GDPD3: variants seen among roughly 807,000 people sequenced by gnomAD.
GDPD3 encodes the protein glycerophosphodiester phosphodiesterase domain containing 3.
GDPD3 carries 40 observed loss-of-function variants against 43.7 expected under a neutral mutation model. The ratio of observed to expected loss-of-function variants is 0.91; its 90% confidence interval spans 0.71 to 1.19. GDPD3 has a LOEUF of 1.19. Ranked by LOEUF, GDPD3 falls within the 50% of genes most tolerant of loss-of-function variation. The pLI is 0.00. For missense variants in GDPD3, 363 were observed against 415.8 expected (o/e 0.87, Z 1.11); for synonymous variants, 145 against 162.9 (o/e 0.89, Z 0.84).
chr16:30,113,033 C>T lies in GDPD3; in HGVS notation c.171G>A (p.Glu57=). The part of the protein sequence containing the change: ...GSGELLENTM[E]AMENSMAQRS... ...GCAGATACACTCACTTCTCCATGGC[C>T]TCCATGGTGTTCTCCAGCAGCTCTC... Residue 57 remains glutamate, a synonymous_variant, in exon 2 of 10, where the codon GAG becomes GAA. Coordinates refer to ENST00000406256, the MANE Select transcript of GDPD3 (RefSeq NM_024307.3). The surrounding 1 kb of genome is among the most constrained non-coding windows in gnomAD (Gnocchi z 5.9). 3 of 1,613,464 alleles carry T rather than the reference C, an allele frequency of 1.9e-6. No individual in the cohort carries two copies. The highest frequency in any genetic ancestry group is 2.5e-6 in the Non-Finnish European group (3 of 1,179,714).
Position 30,113,266 on chromosome 16 carries a change from T to A in GDPD3, c.139+74A>T. 6.6e-7 allele frequency: 1 copy of A among 1,519,960 alleles called. No individual in the cohort carries two copies. The highest frequency in any genetic ancestry group is 8.9e-7 in the Non-Finnish European group (1 of 1,128,572). 94.2% of individuals were successfully genotyped at this position (1,519,960 alleles called of 1,614,324 possible). A position where few individuals can be genotyped will look rare whatever the true frequency, so the allele number is the denominator to read the frequency against. ...CTTCTCTCTTGGTCCCTGCCCCGTT[T>A]CTAGCATGCCCCCTTGGACCTACCC... On this transcript the variant is annotated intron_variant, in intron 1 of 9. Transcript: ENST00000406256. This position sits in a 1 kb window ranked among gnomAD's most constrained non-coding sequence, Gnocchi z 5.9.
At chr16:30,108,308 C>T in intron 8 of GDPD3, 44 bp from the exon 9 acceptor site, 1 of 1,612,680 alleles carries the variant, frequency 6.2e-7, no homozygotes, top group Non-Finnish European at 8.5e-7. Flanking sequence ...TGAGAGGGGA[C>T]CTGGGAGAAG....
chr16:30,111,294 G>A, intron 7 of GDPD3, 94 bp downstream of exon 7: 1 of 1,410,374 alleles, frequency 7.1e-7, no homozygotes, highest in Non-Finnish European at 9.7e-7. Context: ...GGTTATCTCT[G>A]AGGGGAGCTG....
Position 30,112,102 on chromosome 16 carries a change from A to C in GDPD3, c.573+30T>G, listed in dbSNP as rs751950492. The C allele has an allele frequency of 3.2e-6, 5 of 1,554,876 alleles. 1 individual carries two copies. The South Asian group carries it at 4.5e-5, about 14-fold the overall frequency. Reference sequence around the variant, plus strand: ...GGGAGGAGGGGCCCCTGGAGGAGGAAGAGGACGGGGGAGGGGTGGGGGGAC... The same window carrying C: ...GGGAGGAGGGGCCCCTGGAGGAGGACGAGGACGGGGGAGGGGTGGGGGGAC... On this transcript the variant is annotated intron_variant, in intron 6 of 9. Transcript: ENST00000406256. This position sits in a 1 kb window ranked among gnomAD's most constrained non-coding sequence, Gnocchi z 5.4.
chr16:30,110,647 G>A, intron 7 of GDPD3: 1 of 151,800 alleles, frequency 6.6e-6, no homozygotes, highest in South Asian at 2.1e-4. Context: ...CAAGGTGGGA[G>A]GCTCGCTTGA....
rs577723077 is a variant in GDPD3, at chr16:30,108,529, C to T, written c.708-97G>A. ...GCCCCCGCCAACTAGGGTAGCGCTG[C>T]CCTCCCACCCCCCAGAATCCCCCAG... is the stretch of plus-strand genomic sequence containing the variant. On this transcript the variant is annotated intron_variant, in intron 7 of 9. Transcript: ENST00000406256. 89 of 1,032,530 alleles carry T rather than the reference C, an allele frequency of 8.6e-5. 2 individuals are homozygous for T. The South Asian group carries it at 1.1e-3, about 12-fold the overall frequency. 64.0% of individuals were successfully genotyped at this position (1,032,530 alleles called of 1,614,324 possible).
chr16:30,113,511 A>C lies in GDPD3; in HGVS notation c.-33T>G, dbSNP rs761733833. On this transcript the variant is annotated 5_prime_UTR_variant, in exon 1 of 10. Transcript: ENST00000406256. The surrounding 1 kb of genome is among the most constrained non-coding windows in gnomAD (Gnocchi z 5.9). ...CTCCCACAGAAGCTCCTGCAGCCAC[A>C]CGCTCAGCCGTCCGCGGGACTGTGC... 3 of 1,510,124 alleles carry C rather than the reference A, an allele frequency of 2.0e-6. No homozygotes were observed. Among genetic ancestry groups the C allele is most frequent in the East Asian group, 4.8e-5 (2 of 41,776 alleles). 93.5% of individuals were successfully genotyped at this position (1,510,124 alleles called of 1,614,324 possible). A position where few individuals can be genotyped will look rare whatever the true frequency, so the allele number is the denominator to read the frequency against.
At chr16:30,105,335 T>G (rs1201359778) in intron 9 of GDPD3, among the ~76,000 whole-genome samples, 1 of 151,810 alleles carries the variant, frequency 6.6e-6, no homozygotes, top group Admixed American at 6.6e-5. Flanking sequence ...TATGCGCCTG[T>G]GCTCCCAGCT....
rs746265478 is a variant in GDPD3, at chr16:30,111,395, T to A, written c.700A>T (p.Ile234Phe). The A allele has an allele frequency of 7.4e-6, 12 of 1,613,398 alleles. No homozygotes were observed. In the Admixed American group the frequency reaches 2.0e-4, roughly 27 times the overall value. Residue 234 changes from isoleucine (I) to phenylalanine (F), a missense_variant, in exon 7 of 10, where the codon ATC becomes TTC. By Grantham distance (21) the Ile-to-Phe change is conservative. Transcript: ENST00000406256. ...KFFFCFLPNI[I>F]NRTYFPFSCS... ...TCCGCCCCCCACTGGTACCTGTTGATGATGTTGGGCAGGAAGCAGAAGAAG... is the reference window on the plus strand; with the variant it reads ...TCCGCCCCCCACTGGTACCTGTTGAAGATGTTGGGCAGGAAGCAGAAGAAG...
rs981540280 is a variant in GDPD3 at position 30,112,906 on chromosome 16, C to T, written c.183-113G>A. 6 of 1,489,330 alleles carry T rather than the reference C, an allele frequency of 4.0e-6. No homozygotes were observed. Among genetic ancestry groups the T allele is most frequent in the African/African-American group, 2.8e-5 (2 of 72,604 alleles). 92.3% of individuals were successfully genotyped at this position (1,489,330 alleles called of 1,614,324 possible). On this transcript the variant is annotated intron_variant, in intron 2 of 9. Coordinates refer to ENST00000406256, the MANE Select transcript of GDPD3 (RefSeq NM_024307.3). The surrounding 1 kb of genome is among the most constrained non-coding windows in gnomAD (Gnocchi z 5.4). The stretch of plus-strand genomic sequence containing the variant: ...GGAGTTCGTGGCGGGATGTGCAGGC[C>T]ACCTCCAGGGGGCGCCAGTCACCCA...
chr16:30,108,683 C>G (rs975938176), intron 7 of GDPD3, among the ~76,000 whole-genome samples: 1 of 152,112 alleles, frequency 6.6e-6, no homozygotes, highest in Non-Finnish European at 1.5e-5. Context: ...CCTTAGAGAA[C>G]GAAAGGGACT....
At chr16:30,106,777 G>T (rs926300757) in intron 9 of GDPD3, among the ~76,000 whole-genome samples, 1 of 151,766 alleles carries the variant, frequency 6.6e-6, no homozygotes, top group African/African-American at 2.4e-5. Context: ...CGTGATCTCG[G>T]CTCACTATAG....
intron 7 of GDPD3, among the ~76,000 whole-genome samples, chr16:30,109,746 G>A (rs539846012): frequency 5.3e-5 from 8 of 150,070 alleles, no homozygotes; most frequent in East Asian, 2.0e-4. Context: ...CGGAGGTTGC[G>A]GTGAGCCAAG....
Position 30,112,518 on chromosome 16 carries a change from C to G in GDPD3, c.364+5G>C. ...CCAGGCAGGGCTCGAAGCCCTTGCTCTCACCTGGAGAGAAGTAAACCTCCA... is the reference window on the plus strand; with the variant it reads ...CCAGGCAGGGCTCGAAGCCCTTGCTGTCACCTGGAGAGAAGTAAACCTCCA... On this transcript the variant is annotated splice_donor_5th_base_variant and intron_variant, in intron 4 of 9. Coordinates refer to ENST00000406256, the MANE Select transcript of GDPD3 (RefSeq NM_024307.3). The surrounding 1 kb of genome is among the most constrained non-coding windows in gnomAD (Gnocchi z 5.4). 1 of 1,614,154 alleles carries G rather than the reference C, an allele frequency of 6.2e-7. No homozygotes were observed. Among genetic ancestry groups the G allele is most frequent in the East Asian group, 2.2e-5 (1 of 44,884 alleles).
At chr16:30,105,892 A>C (rs193065731) in intron 9 of GDPD3, among the ~76,000 whole-genome samples, 1 of 151,480 alleles carries the variant, frequency 6.6e-6, no homozygotes, top group Admixed American at 6.6e-5. Context: ...AGGCAGATCA[A>C]CTAAGGTCAG....
At chr16:30,108,154 T>A (rs1264889570) in intron 9 of GDPD3, 59 bp downstream of exon 9, 5 of 1,453,374 alleles carry the variant, frequency 3.4e-6, no homozygotes, top group African/African-American at 2.8e-5. Context: ...GGCAGCAGAG[T>A]GGGACCGGAA....
At chr16:30,109,087 C>T (rs1035553250) in intron 7 of GDPD3, among the ~76,000 whole-genome samples, 52 of 152,226 alleles carry the variant, frequency 3.4e-4, no homozygotes, top group Non-Finnish European at 6.6e-4. Flanking sequence ...GCCTTGGCCT[C>T]CCAAAGTGCT....
intron 6 of GDPD3, chr16:30,111,895 C>A (rs1985680): frequency 3.5e-6 from 2 of 576,148 alleles, no homozygotes; most frequent in Non-Finnish European, 6.2e-6. Flanking sequence ...GTCGCACCAC[C>A]GCACTCCAGC....
At chr16:30,105,069 A>C in intron 9 of GDPD3, 60 bp from the exon 10 acceptor site, 2 of 1,387,404 alleles carry the variant, frequency 1.4e-6, no homozygotes, top group Non-Finnish European at 2.0e-6. Context: ...GAGAGTGGGG[A>C]CCCACCTCCT....
Sources: allele counts gnomAD v4.1 joint callset (sites outside exome capture counted in the v4.1 genomes callset), GRCh38; gene constraint gnomAD v4.1.1; non-coding constraint Gnocchi (gnomAD v3.1); transcripts MANE v1.5; gene names NCBI Gene and HGNC (gene_info 2026-07-23, HGNC 2026-07-21).